DSCAML1: variants seen among roughly 807,000 people sequenced by gnomAD.
DSCAML1 encodes cell adhesion molecule DSCAML1.
In DSCAML1, 38 loss-of-function variants were observed where a neutral mutation model predicts 200.5. That is an observed-to-expected ratio of 0.19 (90% CI 0.15 to 0.25). The LOEUF is 0.25. Among genes scored for constraint, DSCAML1 ranks in the 10% least tolerant of loss-of-function variants. DSCAML1 has a pLI of 1.00. For missense variants in DSCAML1, 2,223 were observed against 2,858.8 expected (o/e 0.78, Z 5.07); for synonymous variants, 1,215 against 1,165.0 (o/e 1.04, Z -0.87).
chr11:117,471,039 T>C (rs753970253), intron 15 of DSCAML1, among the ~76,000 whole-genome samples: 2 of 151,920 alleles, frequency 1.3e-5, no homozygotes, highest in Non-Finnish European at 2.9e-5. Context: ...AGAGGAGGGG[T>C]GGTGTTATGA....
chr11:117,464,350 G>A (rs1159713022), intron 17 of DSCAML1, among the ~76,000 whole-genome samples: 1 of 152,152 alleles, frequency 6.6e-6, no homozygotes, highest in Non-Finnish European at 1.5e-5. Flanking sequence ...TCTTCTCTGT[G>A]CTTGGAGTGC....
At chr11:117,734,272 G>A (rs751877840) in intron 3 of DSCAML1, among the ~76,000 whole-genome samples, 42 of 152,208 alleles carry the variant, frequency 2.8e-4, no homozygotes, top group Non-Finnish European at 8.8e-5. Context: ...TGGCCCTAGG[G>A]AGATCTTTCT....
At chr11:117,717,831 T>C (rs1167387312) in intron 3 of DSCAML1, among the ~76,000 whole-genome samples, 1 of 152,128 alleles carries the variant, frequency 6.6e-6, no homozygotes, top group African/African-American at 2.4e-5. Flanking sequence ...CCCTAGCAAC[T>C]GGCACTAAAA....
At position 117,713,750 on chromosome 11, in the gene DSCAML1, C is replaced by T. The variant is rs2053895696; in HGVS notation, c.511+63041G>A. Among the ~76,000 whole-genome samples the T allele has an allele frequency of 2.6e-5, 4 of 152,354 alleles. 1 individual carries two copies. Among genetic ancestry groups the T allele is most frequent in the Admixed American group, 2.6e-4 (4 of 15,308 alleles). ...CGGGCCTTGACAGATTCTGCGGAGT[C>T]CATCCATCTTGACACTTTGTGGGAT... On this transcript the variant is annotated intron_variant, in intron 3 of 32. Transcript: ENST00000651296.
chr11:117,792,493 T>C (rs2055487990), intron 1 of DSCAML1, among the ~76,000 whole-genome samples: 1 of 151,866 alleles, frequency 6.6e-6, no homozygotes, highest in African/African-American at 2.4e-5. Flanking sequence ...TGCCCCGCCA[T>C]AACCAACCCA....
At chr11:117,716,694 T>C (rs1245471752) in intron 3 of DSCAML1, among the ~76,000 whole-genome samples, 3 of 152,200 alleles carry the variant, frequency 2.0e-5, no homozygotes, top group Admixed American at 2.0e-4. Flanking sequence ...ATGGCTTTTA[T>C]ATGGTTGAAA....
chr11:117,758,120 G>A (rs1309831211), intron 3 of DSCAML1, among the ~76,000 whole-genome samples: 2 of 151,858 alleles, frequency 1.3e-5, no homozygotes. Flanking sequence ...GGCCAAGATG[G>A]TGAAACCCCG....
chr11:117,640,179 T>G (rs527657634), intron 3 of DSCAML1, among the ~76,000 whole-genome samples: 1 of 152,078 alleles, frequency 6.6e-6, no homozygotes, highest in Non-Finnish European at 1.5e-5. Flanking sequence ...CCTTCCTCCT[T>G]CCTCCGTTCT....
chr11:117,603,784 G>A (rs1228763432), intron 3 of DSCAML1, among the ~76,000 whole-genome samples: 1 of 152,118 alleles, frequency 6.6e-6, no homozygotes, highest in African/African-American at 2.4e-5. Context: ...GATAAAAGCA[G>A]AAAGAAAAAG....
chr11:117,566,727 AC>A (rs1555185577), intron 3 of DSCAML1, among the ~76,000 whole-genome samples: 1 of 136,292 alleles, frequency 7.3e-6, no homozygotes, highest in Non-Finnish European at 1.6e-5. Flanking sequence ...ATCCCTCCCC[AC>A]TCCCCCTACC....
At chr11:117,623,705 A>G (rs1022436082) in intron 3 of DSCAML1, among the ~76,000 whole-genome samples, 5 of 152,220 alleles carry the variant, frequency 3.3e-5, no homozygotes, top group African/African-American at 1.2e-4. Flanking sequence ...TAAAGATTAA[A>G]TTAATCAATG....
intron 3 of DSCAML1, 31 bp from the exon 4 acceptor site, chr11:117,532,553 C>T (rs765437296): frequency 1.9e-6 from 3 of 1,602,392 alleles, no homozygotes; most frequent in East Asian, 4.5e-5. Flanking sequence ...TAGTTCGTTA[C>T]TTCCCGGTTT....
chr11:117,744,643 G>C (rs952031347), intron 3 of DSCAML1, among the ~76,000 whole-genome samples: 1 of 152,224 alleles, frequency 6.6e-6, no homozygotes, highest in Non-Finnish European at 1.5e-5. Flanking sequence ...GGCCACCCCA[G>C]TAGCCAGAGC....
At chr11:117,460,864 G>A (rs955728181) in intron 18 of DSCAML1, among the ~76,000 whole-genome samples, 4 of 152,116 alleles carry the variant, frequency 2.6e-5, no homozygotes, top group African/African-American at 9.7e-5. Flanking sequence ...GTTTGGCCAA[G>A]GGAGGCTCTC....
intron 3 of DSCAML1, among the ~76,000 whole-genome samples, chr11:117,720,183 A>T (rs1418541602): frequency 6.6e-6 from 1 of 152,006 alleles, no homozygotes; most frequent in Non-Finnish European, 1.5e-5. Flanking sequence ...CGCACAGCCC[A>T]CTCATAATGA....
chr11:117,785,586 T>C (rs1024453609), intron 1 of DSCAML1, among the ~76,000 whole-genome samples: 1 of 152,092 alleles, frequency 6.6e-6, no homozygotes, highest in African/African-American at 2.4e-5. Flanking sequence ...TGTGGAGGTT[T>C]GCAAGCTTAG....
chr11:117,750,776 C>T (rs1335665849), intron 3 of DSCAML1, among the ~76,000 whole-genome samples: 1 of 152,192 alleles, frequency 6.6e-6, no homozygotes, highest in Non-Finnish European at 1.5e-5. Flanking sequence ...CCACATAGTT[C>T]AAGAAAATAC....
chr11:117,585,498 C>A (rs935853009), intron 3 of DSCAML1, among the ~76,000 whole-genome samples: 3 of 152,168 alleles, frequency 2.0e-5, no homozygotes, highest in Admixed American at 2.0e-4. Flanking sequence ...CCGCCCACCT[C>A]GGCCTCCGAA....
chr11:117,732,840 T>C (rs2054247308), intron 3 of DSCAML1, among the ~76,000 whole-genome samples: 1 of 152,046 alleles, frequency 6.6e-6, no homozygotes, highest in South Asian at 2.1e-4. Flanking sequence ...TATGCATGAC[T>C]AACTCGGGAG....
Sources: allele counts gnomAD v4.1 joint callset (sites outside exome capture counted in the v4.1 genomes callset), GRCh38; gene constraint gnomAD v4.1.1; transcripts MANE v1.5; gene names NCBI Gene and HGNC (gene_info 2026-07-23, HGNC 2026-07-21).